The following HIVEP3 variants were observed in gnomAD, a reference collection of about 807,000 sequenced individuals.
HIVEP3 encodes the protein HIVEP zinc finger 3, also known as transcription factor HIVEP3.
HIVEP3 carries 49 observed loss-of-function variants against 152.8 expected under a neutral mutation model. That is an observed-to-expected ratio of 0.32 (90% CI 0.26 to 0.41). The LOEUF (loss-of-function observed/expected upper bound fraction) is 0.41. Ranked by LOEUF, HIVEP3 falls within the 10% of genes least tolerant of loss-of-function variation. The probability of loss-of-function intolerance (pLI) is 1.00; values close to 1 mark genes in which losing one functional copy is unlikely to be tolerated. For synonymous variants in HIVEP3, 1,269 were observed against 1,289.0 expected, an observed-to-expected ratio of 0.98 and a Z score of 0.33; for missense variants, 2,790 against 3,103.3, an observed-to-expected ratio of 0.90 and a Z score of 2.40.
rs371473493 is a variant in HIVEP3, at chr1:42,026,612, A to C, written n.119+9195T>G. On this transcript the variant is annotated intron_variant and non_coding_transcript_variant, in intron 1 of 3. Transcript: ENST00000489103. ...GTATTTGCATGAGATTCCTCTTGGC[A>C]GGGGAGGAAGGCATGCCTAGGATAC... is the stretch of plus-strand genomic sequence containing the variant. Among the ~76,000 whole-genome samples the C allele has an allele frequency of 1.9e-4, 29 of 152,254 alleles. No homozygotes were observed. In the East Asian group the frequency reaches 5.2e-3, roughly 27 times the overall value.
intron 1 of HIVEP3, among the ~76,000 whole-genome samples, chr1:42,009,881 T>A (rs1015975566): frequency 2.6e-5 from 4 of 152,240 alleles, no homozygotes; most frequent in African/African-American, 9.6e-5. Flanking sequence ...TTCTGAAAGA[T>A]TTTCTCAATT....
chr1:41,573,583 A>T lies in HIVEP3; in HGVS notation c.5207+1961T>A, dbSNP rs150849406. Among the ~76,000 whole-genome samples the T allele has an allele frequency of 9.6e-3, 1,461 of 152,364 alleles. 25 individuals carry two copies. The highest frequency in any genetic ancestry group is 0.033 in the African/African-American group (1,379 of 41,582). On this transcript the variant is annotated intron_variant, in intron 5 of 8. Coordinates refer to ENST00000372583, the MANE Select transcript of HIVEP3 (RefSeq NM_024503.5). Reference sequence around the variant, plus strand: ...CAGAACAGATGGGACTGTCCCAGACAGAGATTGACAAAATGGATATACTAG... The same window carrying T: ...CAGAACAGATGGGACTGTCCCAGACTGAGATTGACAAAATGGATATACTAG...
intron 1 of HIVEP3, among the ~76,000 whole-genome samples, chr1:41,776,643 A>G (rs1055472636): frequency 6.6e-6 from 1 of 152,116 alleles, no homozygotes; most frequent in African/African-American, 2.4e-5. Flanking sequence ...TGGTTTTACG[A>G]TATAGTCTTC....
chr1:41,789,406 T>C (rs1484079992), intron 1 of HIVEP3, among the ~76,000 whole-genome samples: 2 of 152,232 alleles, frequency 1.3e-5, no homozygotes, highest in Admixed American at 6.5e-5. Context: ...TGAGCTACCA[T>C]TGTCATGAAA....
At chr1:41,678,698 G>A (rs1272974968) in intron 2 of HIVEP3, among the ~76,000 whole-genome samples, 3 of 149,838 alleles carry the variant, frequency 2.0e-5, no homozygotes, top group Admixed American at 2.0e-4. Context: ...ACACCTCTTG[G>A]TTACAGTGAC....
At chr1:41,892,714 G>A (rs1644464595) in intron 1 of HIVEP3, among the ~76,000 whole-genome samples, 1 of 152,020 alleles carries the variant, frequency 6.6e-6, no homozygotes, top group Admixed American at 6.6e-5. Flanking sequence ...CAGTGTGGCT[G>A]CCTGGACTCT....
intron 1 of HIVEP3, among the ~76,000 whole-genome samples, chr1:41,827,248 T>C (rs1285603139): frequency 6.6e-6 from 1 of 152,222 alleles, no homozygotes; most frequent in Non-Finnish European, 1.5e-5. Flanking sequence ...GCCTTTTCCA[T>C]AGTCACCAAC....
At chr1:42,018,615 A>G (rs1645536795) in intron 1 of HIVEP3, among the ~76,000 whole-genome samples, 1 of 152,096 alleles carries the variant, frequency 6.6e-6, no homozygotes, top group Non-Finnish European at 1.5e-5. Context: ...TGCCTCTGAC[A>G]TAAAAATTAC....
intron 1 of HIVEP3, among the ~76,000 whole-genome samples, chr1:41,720,265 C>T (rs1335510786): frequency 2.0e-5 from 3 of 152,190 alleles, no homozygotes; most frequent in African/African-American, 4.8e-5. Context: ...CTCCCAGGCC[C>T]CAGACTGCAA....
In HIVEP3 at chr1:41,628,729, C is replaced by T; in HGVS notation, c.-522+20G>A. On this transcript the variant is annotated intron_variant, in intron 3 of 8. Coordinates refer to ENST00000372583, the MANE Select transcript of HIVEP3 (RefSeq NM_024503.5). ...CATGGCGCCTGGCAAGCATATTCAG[C>T]AACAGCCCCCATTTCCTACCTGTGC... 1 of 1,231,152 alleles carries T rather than the reference C, an allele frequency of 8.1e-7. No individual in the cohort carries two copies. Among genetic ancestry groups the T allele is most frequent in the Non-Finnish European group, 1.0e-6 (1 of 987,016 alleles). 76.3% of individuals were successfully genotyped at this position (1,231,152 alleles called of 1,614,324 possible).
intron 1 of HIVEP3, among the ~76,000 whole-genome samples, chr1:41,706,505 C>T (rs1443381577): frequency 2.0e-5 from 3 of 152,240 alleles, no homozygotes; most frequent in Non-Finnish European, 4.4e-5. Flanking sequence ...TGGCCTTGAA[C>T]TCCTGACCTC....
chr1:41,706,264 C>T (rs765132970), intron 1 of HIVEP3, among the ~76,000 whole-genome samples: 4 of 152,096 alleles, frequency 2.6e-5, no homozygotes, highest in Non-Finnish European at 5.9e-5. Context: ...ATCGTTGTGT[C>T]CGAATACATG....
chr1:41,849,883 G>A (rs1643548152), intron 1 of HIVEP3, among the ~76,000 whole-genome samples: 1 of 152,026 alleles, frequency 6.6e-6, no homozygotes, highest in Non-Finnish European at 1.5e-5. Flanking sequence ...TAGACATGGG[G>A]TTTCACCATG....
intron 3 of HIVEP3, among the ~76,000 whole-genome samples, chr1:41,620,464 C>T (rs541776366): frequency 3.9e-5 from 6 of 152,142 alleles, no homozygotes; most frequent in Admixed American, 3.9e-4. Context: ...TCTCACCTGT[C>T]TGAGCACTTC....
At chr1:41,976,791 G>A (rs544769820) in intron 1 of HIVEP3, among the ~76,000 whole-genome samples, 33 of 152,286 alleles carry the variant, frequency 2.2e-4, no homozygotes, top group African/African-American at 7.7e-4. Context: ...CGCACTCAGG[G>A]AGGACGCCAT....
At chr1:41,768,921 C>T (rs188211744) in intron 1 of HIVEP3, among the ~76,000 whole-genome samples, 96 of 152,326 alleles carry the variant, frequency 6.3e-4, no homozygotes, top group Admixed American at 1.0e-3. Context: ...AGGCCGCATC[C>T]GGCAGGTCTC....
At chr1:41,562,636 T>TCTCC (rs1644094724) in intron 5 of HIVEP3, among the ~76,000 whole-genome samples, 1 of 136,324 alleles carries the variant, frequency 7.3e-6, no homozygotes, top group Admixed American at 7.2e-5. Flanking sequence ...TCTCTCTCCC[T>TCTCC]CTCTCTCTCT....
chr1:41,985,942 A>T (rs1006937800), intron 1 of HIVEP3, among the ~76,000 whole-genome samples: 1 of 151,532 alleles, frequency 6.6e-6, no homozygotes. Context: ...AGTCAGTTTT[A>T]AAAAAAAAGA....
intron 1 of HIVEP3, among the ~76,000 whole-genome samples, chr1:41,860,671 C>T (rs746839560): frequency 3.3e-5 from 5 of 152,184 alleles, no homozygotes; most frequent in African/African-American, 4.8e-5. Flanking sequence ...AGAGGACCTT[C>T]TACATTTTCA....
Sources: allele counts gnomAD v4.1 joint callset (sites outside exome capture counted in the v4.1 genomes callset), GRCh38; gene constraint gnomAD v4.1.1; transcripts MANE v1.5; gene names NCBI Gene and HGNC (gene_info 2026-07-23, HGNC 2026-07-21).